STRN3: variants seen among roughly 807,000 people sequenced by gnomAD.
The protein encoded by STRN3 is striatin 3.
In STRN3, 29 loss-of-function variants were observed where a neutral mutation model predicts 95.6. The ratio of observed to expected loss-of-function variants is 0.30; its 90% CI spans 0.23 to 0.41. STRN3 has a LOEUF of 0.41. Among genes scored for constraint, STRN3 ranks in the 10% least tolerant of loss-of-function variants. The pLI is 1.00. For synonymous variants in STRN3, 331 were observed against 357.6 expected (o/e 0.93, Z 0.84); for missense variants, 890 against 972.1 (o/e 0.92, Z 1.12).
rs377626830 is a variant in STRN3 at position 30,896,947 on chromosome 14, G to A, written c.2138-1199C>T. The stretch of plus-strand genomic sequence containing the variant: ...AAATACTTTGGGGCAAGGGCATCCT[G>A]CAATGGTAATATATGCTTTGGATGG... On this transcript the variant is annotated intron_variant, in intron 16 of 17. Coordinates refer to ENST00000357479, the MANE Select transcript of STRN3 (RefSeq NM_001083893.2). Among the ~76,000 whole-genome samples the A allele has an allele frequency of 1.9e-3, 284 of 152,304 alleles. 1 individual carries two copies. Among genetic ancestry groups the A allele is most frequent in the South Asian group, 3.3e-3 (16 of 4,826 alleles).
At chr14:30,987,949 G>A (rs1881777787) in intron 1 of STRN3, among the ~76,000 whole-genome samples, 2 of 152,110 alleles carry the variant, frequency 1.3e-5, no homozygotes, top group African/African-American at 4.8e-5. Context: ...TGTTGGTCAG[G>A]CTGGTCTTGA....
chr14:30,906,362 G>A (rs968887329), intron 14 of STRN3, among the ~76,000 whole-genome samples: 5 of 152,114 alleles, frequency 3.3e-5, no homozygotes, highest in African/African-American at 9.7e-5. Flanking sequence ...TGGAAAATAA[G>A]ACCAGTAAAT....
intron 1 of STRN3, among the ~76,000 whole-genome samples, chr14:31,021,375 A>G (rs1236378545): frequency 6.6e-6 from 1 of 152,192 alleles, no homozygotes; most frequent in Non-Finnish European, 1.5e-5. Context: ...TGCCAGTGTC[A>G]GAAAAAATAA....
At chr14:30,963,804 T>G (rs995361964) in intron 1 of STRN3, among the ~76,000 whole-genome samples, 2 of 152,028 alleles carry the variant, frequency 1.3e-5, no homozygotes, top group African/African-American at 4.8e-5. Flanking sequence ...AAACTGGAAA[T>G]TCACAAATTT....
intron 3 of STRN3, among the ~76,000 whole-genome samples, chr14:30,953,368 T>C (rs1879747087): frequency 6.6e-6 from 1 of 152,214 alleles, no homozygotes; most frequent in South Asian, 2.1e-4. Flanking sequence ...TTTTTGAATA[T>C]AATAATTTCT....
chr14:30,977,701 G>A (rs1234239620), intron 1 of STRN3, among the ~76,000 whole-genome samples: 1 of 149,258 alleles, frequency 6.7e-6, no homozygotes, highest in Non-Finnish European at 1.5e-5. Flanking sequence ...GCTGAGGCAG[G>A]AGAATCGCTT....
intron 1 of STRN3, among the ~76,000 whole-genome samples, chr14:30,957,270 C>T (rs12436401): frequency 0.39 from 59,746 of 151,828 alleles, 12,517 homozygotes; most frequent in Non-Finnish European, 0.47. Flanking sequence ...CTGGCTAACA[C>T]GGTGAAACCC....
intron 8 of STRN3, 87 bp downstream of exon 8, chr14:30,929,114 A>T: frequency 8.7e-7 from 1 of 1,148,552 alleles, no homozygotes; most frequent in Non-Finnish European, 1.2e-6. Context: ...GAAACAAAAA[A>T]TTAAGTTACA....
chr14:30,914,210 T>C (rs147028742), intron 9 of STRN3, among the ~76,000 whole-genome samples: 1 of 152,206 alleles, frequency 6.6e-6, no homozygotes, highest in Non-Finnish European at 1.5e-5. Flanking sequence ...CTATATACTA[T>C]ATCAGTTCAC....
chr14:30,929,936 G>A (rs1435859727), intron 7 of STRN3, among the ~76,000 whole-genome samples: 1 of 36,258 alleles, frequency 2.8e-5, no homozygotes, highest in Non-Finnish European at 5.2e-5. Flanking sequence ...TCTTCCATTG[G>A]TCTACAACTA....
intron 1 of STRN3, among the ~76,000 whole-genome samples, chr14:30,983,371 CG>C (rs779572557): frequency 1.3e-5 from 2 of 152,036 alleles, no homozygotes; most frequent in Non-Finnish European, 2.9e-5. Context: ...GGAGAAACCC[CG>C]TCTCTACTAA....
chr14:30,950,659 C>T (rs188253021), intron 4 of STRN3, among the ~76,000 whole-genome samples: 4 of 152,208 alleles, frequency 2.6e-5, no homozygotes, highest in South Asian at 4.2e-4. Context: ...GGACATTCTA[C>T]CCTGCAAGTA....
At chr14:30,953,214 A>T (rs1879737787) in intron 3 of STRN3, among the ~76,000 whole-genome samples, 2 of 152,180 alleles carry the variant, frequency 1.3e-5, no homozygotes, top group South Asian at 4.1e-4. Flanking sequence ...AGCTCAAGGA[A>T]TTTTTGAACA....
chr14:30,999,395 A>AAGAAAATAAT (rs1250786920), intron 1 of STRN3, among the ~76,000 whole-genome samples: 1 of 152,230 alleles, frequency 6.6e-6, no homozygotes, highest in Non-Finnish European at 1.5e-5. Context: ...GAAAGAACTA[A>AAGAAAATAAT]AGAAAATAAT....
intron 3 of STRN3, among the ~76,000 whole-genome samples, chr14:30,953,362 T>C (rs1879746556): frequency 6.6e-6 from 1 of 152,230 alleles, no homozygotes; most frequent in Admixed American, 6.5e-5. Context: ...TCTAGATTTT[T>C]GAATATAATA....
chr14:30,913,676 C>T lies in STRN3; in HGVS notation c.1241-19G>A. ...GGTTCAGCTATAAAGAACAAAACCG[C>T]TTCTTAAATGCTGAAAAATCATACA... On this transcript the variant is annotated intron_variant, in intron 9 of 17. Coordinates refer to ENST00000357479, the MANE Select transcript of STRN3 (RefSeq NM_001083893.2). 1 of 1,611,168 alleles carries T rather than the reference C, an allele frequency of 6.2e-7. No homozygotes were observed. The highest frequency in any genetic ancestry group is 8.5e-7 in the Non-Finnish European group (1 of 1,178,976).
chr14:30,985,603 CA>C (rs55771151), intron 1 of STRN3, among the ~76,000 whole-genome samples: 150,279 of 150,858 alleles, frequency 1, 74,858 homozygotes, highest in East Asian at 1. Context: ...AACTCCATCT[CA>C]AAAAAAAAAA....
Position 30,913,524 on chromosome 14 carries a change from A to G in STRN3, c.1374T>C (p.Asp458=). 1 of 1,599,190 alleles carries G rather than the reference A, an allele frequency of 6.3e-7. No homozygotes were observed. Among genetic ancestry groups the G allele is most frequent in the South Asian group, 1.1e-5 (1 of 87,542 alleles). Residue 458 remains aspartate, a splice_region_variant and synonymous_variant, in exon 10 of 18, where the codon GAT becomes GAC. Transcript: ENST00000357479. ...TVTNDADYSY[D]LPANKDAFRK... ...AAATTAAAAATAAAACTGCACTTAC[A>G]TCATAACTATAGTCTGCATCATTTG...
chr14:30,967,820 G>C (rs954090704), intron 1 of STRN3, among the ~76,000 whole-genome samples: 1 of 152,168 alleles, frequency 6.6e-6, no homozygotes, highest in African/African-American at 2.4e-5. Context: ...CCTTAACCCA[G>C]AAGGTTTCCT....
Sources: allele counts gnomAD v4.1 joint callset (sites outside exome capture counted in the v4.1 genomes callset), GRCh38; gene constraint gnomAD v4.1.1; transcripts MANE v1.5; gene names NCBI Gene and HGNC (gene_info 2026-07-23, HGNC 2026-07-21).